The following STRBP variants were observed in gnomAD, a reference collection of about 807,000 sequenced individuals.
STRBP encodes the protein spermatid perinuclear RNA binding protein.
STRBP carries 13 observed loss-of-function variants against 80.1 expected under a neutral mutation model. The observed-to-expected ratio is 0.16, with a 90% CI of 0.11 to 0.26. The LOEUF is 0.26. Ranked by LOEUF, STRBP falls within the 10% of genes least tolerant of loss-of-function variation. The probability of loss-of-function intolerance (pLI) is 1.00; values close to 1 mark genes in which losing one functional copy is unlikely to be tolerated. For missense variants in STRBP, 485 were observed against 815.2 expected (o/e 0.59, Z 4.93); for synonymous variants, 284 against 291.2 (o/e 0.98, Z 0.25).
intron 2 of STRBP, among the ~76,000 whole-genome samples, chr9:123,206,642 A>AT (rs796583493): frequency 8.1e-5 from 12 of 147,566 alleles, no homozygotes; most frequent in African/African-American, 2.5e-4. Flanking sequence ...TTTTTTCTTT[A>AT]TTTTTTTTAT....
At chr9:123,220,651 T>C (rs904290524) in intron 2 of STRBP, among the ~76,000 whole-genome samples, 2 of 152,212 alleles carry the variant, frequency 1.3e-5, no homozygotes, top group African/African-American at 4.8e-5. Context: ...CAGTTACCAA[T>C]TAACAATAGA....
At chr9:123,188,619 G>A (rs772412336) in intron 2 of STRBP, among the ~76,000 whole-genome samples, 1 of 152,168 alleles carries the variant, frequency 6.6e-6, no homozygotes, top group Non-Finnish European at 1.5e-5. Context: ...TCCAGCCTGA[G>A]TGACAGAGTG....
chr9:123,243,280 A>G (rs1003959713), intron 1 of STRBP, among the ~76,000 whole-genome samples: 22 of 151,308 alleles, frequency 1.5e-4, no homozygotes, highest in South Asian at 2.1e-4. Context: ...AAAAAAAAAA[A>G]AAAAGAAAAA....
At chr9:123,161,590 C>T (rs1169299593) in intron 6 of STRBP, among the ~76,000 whole-genome samples, 1 of 152,012 alleles carries the variant, frequency 6.6e-6, no homozygotes, top group African/African-American at 2.4e-5. Flanking sequence ...TAAACTAATT[C>T]AACAAGATAA....
At chr9:123,152,316 G>A (rs1027458860) in intron 11 of STRBP, among the ~76,000 whole-genome samples, 7 of 152,038 alleles carry the variant, frequency 4.6e-5, no homozygotes, top group East Asian at 3.8e-4. Flanking sequence ...CATTGAAGCC[G>A]AAACACAGGA....
At chr9:123,197,648 G>A (rs1316845113) in intron 2 of STRBP, among the ~76,000 whole-genome samples, 2 of 137,256 alleles carry the variant, frequency 1.5e-5, no homozygotes, top group East Asian at 2.2e-4. Flanking sequence ...CTCCATACAA[G>A]TTGCTGTGAA....
At position 123,135,920 on chromosome 9, in the gene STRBP, A is replaced by G. The variant is rs2132320825; in HGVS notation, c.1773+121T>C. ...CGTGACCTAACCCAAAGCAAAGGTC[A>G]CCAAGTCCAAGAAAAGGAAACAACT... On this transcript the variant is annotated intron_variant, in intron 16 of 18. Coordinates refer to ENST00000348403, the MANE Select transcript of STRBP (RefSeq NM_018387.5). 3.0e-6 allele frequency: 4 copies of G among 1,335,200 alleles called. No homozygotes were observed. In the South Asian group the frequency reaches 5.8e-5, roughly 19 times the overall value. 82.7% of individuals were successfully genotyped at this position (1,335,200 alleles called of 1,614,324 possible).
In STRBP at chr9:123,124,850, G is replaced by T. The variant is rs999320470; in HGVS notation, c.*747C>A. On this transcript the variant is annotated 3_prime_UTR_variant, in exon 19 of 19. Transcript: ENST00000348403. ...TAACAGAATGGAACCTTTATCATGG[G>T]GATGGCCCTTGTACAACAGGAGTAC... 34 of 985,306 alleles carry T rather than the reference G, an allele frequency of 3.5e-5. No individual in the cohort carries two copies. The highest frequency in any genetic ancestry group is 5.2e-4 in the Middle Eastern group (1 of 1,936). The allele number at this position is 985,306 out of a possible 1,614,324, so 61.0% of individuals were successfully genotyped here. A position where few individuals can be genotyped will look rare whatever the true frequency, so the allele number is the denominator to read the frequency against.
Position 123,132,944 on chromosome 9 carries a change from C to G in STRBP, c.1798G>C (p.Val600Leu). 1 of 1,614,040 alleles carries G rather than the reference C, an allele frequency of 6.2e-7. No individual in the cohort carries two copies. The part of the protein sequence containing the change: ...PQAKGVVNTA[V>L]SAAVQAVRGR... ...CGAACAGCTTGGACTGCTGCAGACACAGCTGTATTCACAACGCCCTTTGCC... is the reference window on the plus strand; with the variant it reads ...CGAACAGCTTGGACTGCTGCAGACAGAGCTGTATTCACAACGCCCTTTGCC... Residue 600 changes from valine to leucine, a missense_variant, in exon 17 of 19, where the codon GTG becomes CTG. Val to Leu is a conservative substitution (Grantham distance 32). Transcript: ENST00000348403.
intron 2 of STRBP, among the ~76,000 whole-genome samples, chr9:123,184,945 C>G (rs1428245016): frequency 6.6e-6 from 1 of 152,154 alleles, no homozygotes; most frequent in Non-Finnish European, 1.5e-5. Context: ...ACCAGATTTC[C>G]ACAGTATTAT....
rs115703735 is a variant in STRBP, at chr9:123,253,560, C to T, written c.-302+14876G>A. Among the ~76,000 whole-genome samples the T allele has an allele frequency of 9.6e-3, 1,457 of 152,342 alleles. 23 individuals are homozygous for T. The highest frequency in any genetic ancestry group is 0.033 in the African/African-American group (1,368 of 41,578). Reference sequence around the variant, plus strand: ...TTTGAATCCCAGATTGACCACTTATCAGCTAAGTGATTCTAGAGTTACTGA... The same window carrying T: ...TTTGAATCCCAGATTGACCACTTATTAGCTAAGTGATTCTAGAGTTACTGA... On this transcript the variant is annotated intron_variant, in intron 1 of 18. Coordinates refer to ENST00000348403, the MANE Select transcript of STRBP (RefSeq NM_018387.5).
chr9:123,265,505 GA>G (rs1237031556), intron 1 of STRBP, among the ~76,000 whole-genome samples: 1 of 152,142 alleles, frequency 6.6e-6, no homozygotes, highest in Non-Finnish European at 1.5e-5. Flanking sequence ...AGCAAAATCT[GA>G]CAAGACTTAA....
chr9:123,240,281 TTTC>T (rs1226719606), intron 1 of STRBP, among the ~76,000 whole-genome samples: 9 of 134,346 alleles, frequency 6.7e-5, no homozygotes, highest in Admixed American at 4.3e-4. Flanking sequence ...TGTATGATGC[TTTC>T]TTCATGAAAC....
At chr9:123,166,765 AACAACAAC>A (rs1195701193) in intron 6 of STRBP, among the ~76,000 whole-genome samples, 15 of 123,880 alleles carry the variant, frequency 1.2e-4, no homozygotes, top group Non-Finnish European at 2.1e-4. Context: ...CAACAACAAC[AACAACAAC>A]AACAACAACA....
chr9:123,233,142 T>C (rs1347650893), intron 2 of STRBP, among the ~76,000 whole-genome samples: 2 of 152,194 alleles, frequency 1.3e-5, no homozygotes, highest in Admixed American at 6.5e-5. Flanking sequence ...GGCGTGAACA[T>C]AGCTCATGGC....
intron 2 of STRBP, among the ~76,000 whole-genome samples, chr9:123,201,598 C>T (rs1041509751): frequency 4.6e-5 from 7 of 152,056 alleles, no homozygotes; most frequent in African/African-American, 9.7e-5. Context: ...AGTTTTATGC[C>T]GCTGTGGTCT....
chr9:123,184,265 G>C lies in STRBP; in HGVS notation c.-131C>G. On this transcript the variant is annotated 5_prime_UTR_variant, in exon 3 of 19. Transcript: ENST00000348403. ...CCCCTGACAGCTCAGCGTCAATATA[G>C]CAAATGTCTGAAGGCTTGTTCTCTG... 1.3e-6 allele frequency: 1 copy of C among 778,442 alleles called. No homozygotes were observed. Among genetic ancestry groups the C allele is most frequent in the Non-Finnish European group, 2.0e-6 (1 of 493,706 alleles). The allele number at this position is 778,442 out of a possible 1,614,324, so 48.2% of individuals were successfully genotyped here.
chr9:123,190,082 C>A (rs2038865914), intron 2 of STRBP, among the ~76,000 whole-genome samples: 1 of 151,994 alleles, frequency 6.6e-6, no homozygotes, highest in Admixed American at 6.6e-5. Flanking sequence ...GAGTTCAAGG[C>A]CAGCCTGGCC....
At chr9:123,114,683 AC>A in intron 3 of STRBP, 1 of 179,886 alleles carries the variant, frequency 5.6e-6, no homozygotes, top group East Asian at 1.8e-4. Context: ...CCTCCTCTGT[AC>A]CCTGTCAGTA....
Sources: allele counts gnomAD v4.1 joint callset (sites outside exome capture counted in the v4.1 genomes callset), GRCh38; gene constraint gnomAD v4.1.1; transcripts MANE v1.5; gene names NCBI Gene and HGNC (gene_info 2026-07-23, HGNC 2026-07-21).